The following TRAPPC9 variants were observed in gnomAD, a reference collection of about 807,000 sequenced individuals.
TRAPPC9 encodes IKK2 binding protein.
Under a neutral mutation model 124.0 loss-of-function variants are expected in TRAPPC9, and 83 were observed. The observed-to-expected ratio is 0.67, with a 90% CI of 0.56 to 0.80. TRAPPC9 has a LOEUF of 0.80. Among genes scored for constraint, TRAPPC9 ranks in the 30% least tolerant of loss-of-function variants. The probability of loss-of-function intolerance (pLI) is 0.00; values close to 1 mark genes in which losing one functional copy is unlikely to be tolerated. For missense variants in TRAPPC9, 1,302 were observed against 1,508.3 expected (o/e 0.86, Z 2.27); for synonymous variants, 638 against 617.5 (o/e 1.03, Z -0.49).
intron 21 of TRAPPC9, among the ~76,000 whole-genome samples, chr8:139,752,310 T>TCCACCGATCTA (rs1305851992): frequency 9.9e-5 from 14 of 141,742 alleles, no homozygotes; most frequent in African/African-American, 3.7e-4. Flanking sequence ...CATCCATCCA[T>TCCACCGATCTA]CCACCCATCT....
intron 1 of TRAPPC9, among the ~76,000 whole-genome samples, chr8:140,455,923 A>C (rs1292759631): frequency 6.6e-6 from 1 of 152,236 alleles, no homozygotes; most frequent in Admixed American, 6.5e-5. Flanking sequence ...ACAAAAGGCC[A>C]CATGTTGTAT....
At chr8:140,125,441 T>G (rs756246297) in intron 17 of TRAPPC9, among the ~76,000 whole-genome samples, 7 of 152,132 alleles carry the variant, frequency 4.6e-5, no homozygotes, top group Admixed American at 2.6e-4. Context: ...CTAACTGGCA[T>G]GGAACTCTGG....
intron 9 of TRAPPC9, among the ~76,000 whole-genome samples, chr8:140,317,082 C>T (rs1405128373): frequency 3.9e-5 from 6 of 152,094 alleles, no homozygotes; most frequent in Non-Finnish European, 7.4e-5. Flanking sequence ...TTTTTGATCT[C>T]TGATTTTATT....
At chr8:140,093,264 T>C (rs1380468916) in intron 17 of TRAPPC9, among the ~76,000 whole-genome samples, 2 of 152,192 alleles carry the variant, frequency 1.3e-5, no homozygotes, top group East Asian at 3.8e-4. Flanking sequence ...ACGGGGTCCC[T>C]GTGAGGCTGG....
intron 21 of TRAPPC9, among the ~76,000 whole-genome samples, chr8:139,843,959 T>G (rs1477889237): frequency 1.3e-5 from 2 of 152,216 alleles, no homozygotes; most frequent in Non-Finnish European, 2.9e-5. Context: ...TCACTCCCCA[T>G]ACAGTGCTCT....
chr8:139,861,652 C>G (rs1828165065), intron 21 of TRAPPC9, among the ~76,000 whole-genome samples: 1 of 152,206 alleles, frequency 6.6e-6, no homozygotes, highest in Non-Finnish European at 1.5e-5. Context: ...ATTTAACATG[C>G]TCTGCACTTT....
intron 19 of TRAPPC9, among the ~76,000 whole-genome samples, chr8:139,938,325 C>T (rs951002372): frequency 6.6e-6 from 1 of 152,132 alleles, no homozygotes; most frequent in Non-Finnish European, 1.5e-5. Context: ...CACTCTGTCA[C>T]CAGGGCTGGA....
intron 19 of TRAPPC9, among the ~76,000 whole-genome samples, chr8:139,940,101 C>T (rs958553471): frequency 2.6e-5 from 4 of 152,344 alleles, no homozygotes; most frequent in East Asian, 1.9e-4. Context: ...GGATTCCCGT[C>T]GTTTGGTTGG....
intron 15 of TRAPPC9, among the ~76,000 whole-genome samples, chr8:140,253,602 C>T (rs1338426398): frequency 1.3e-5 from 2 of 151,942 alleles, no homozygotes; most frequent in African/African-American, 4.8e-5. Context: ...CGCTTGAACC[C>T]GGCAGGCAGA....
At position 139,972,367 on chromosome 8, in the gene TRAPPC9, C is replaced by A. The variant is rs138756973; in HGVS notation, c.2810+16359G>T. On this transcript the variant is annotated intron_variant, in intron 19 of 22. Coordinates refer to ENST00000438773, the MANE Select transcript of TRAPPC9 (RefSeq NM_001160372.4). ...AACAACATTTGATACTTGTTTTTAC[C>A]AAAGTTTTCTCACAGTAATAGATTA... Among the ~76,000 whole-genome samples, 72 of 152,228 alleles carry A rather than the reference C, an allele frequency of 4.7e-4. No homozygotes were observed. In the East Asian group the frequency reaches 0.014, roughly 29 times the overall value.
chr8:140,025,944 G>T (rs569819045), intron 17 of TRAPPC9, among the ~76,000 whole-genome samples: 1 of 151,984 alleles, frequency 6.6e-6, no homozygotes, highest in Non-Finnish European at 1.5e-5. Context: ...ATCCATTTCC[G>T]TCCCCAGAAC....
intron 21 of TRAPPC9, among the ~76,000 whole-genome samples, chr8:139,737,466 TC>T (rs35297460): frequency 0.076 from 3,156 of 41,410 alleles, 516 homozygotes; most frequent in African/African-American, 0.22. Flanking sequence ...TCATCAGCCC[TC>T]CCCCCCCCCC....
At chr8:139,954,711 C>T (rs941541061) in intron 19 of TRAPPC9, among the ~76,000 whole-genome samples, 3 of 152,174 alleles carry the variant, frequency 2.0e-5, no homozygotes, top group African/African-American at 7.2e-5. Flanking sequence ...TTCACTGCCA[C>T]CAGCTAACAA....
At chr8:140,217,286 C>G (rs4437628) in intron 17 of TRAPPC9, among the ~76,000 whole-genome samples, 46,008 of 152,036 alleles carry the variant, frequency 0.3, 8,835 homozygotes, top group East Asian at 0.56. Context: ...CAAGGACATC[C>G]TCTGTGGCCT....
chr8:139,902,342 C>CA (rs1336701458), intron 20 of TRAPPC9, among the ~76,000 whole-genome samples: 1 of 152,196 alleles, frequency 6.6e-6, no homozygotes, highest in Non-Finnish European at 1.5e-5. Context: ...CCTTACCCTC[C>CA]AGCCCACCGA....
At chr8:140,349,866 T>C (rs113143948) in intron 9 of TRAPPC9, among the ~76,000 whole-genome samples, 259 of 152,304 alleles carry the variant, frequency 1.7e-3, no homozygotes, top group African/African-American at 6.1e-3. Context: ...CCGGCAACGG[T>C]AGCACAGGGT....
intron 21 of TRAPPC9, among the ~76,000 whole-genome samples, chr8:139,842,668 T>A (rs866433676): frequency 5.7e-5 from 1 of 17,568 alleles, no homozygotes; most frequent in Non-Finnish European, 1.3e-4. Flanking sequence ...TGGCAGGGGG[T>A]GGGGAGGGGG....
At chr8:139,868,461 T>C (rs1303609666) in intron 21 of TRAPPC9, among the ~76,000 whole-genome samples, 1 of 152,230 alleles carries the variant, frequency 6.6e-6, no homozygotes, top group Non-Finnish European at 1.5e-5. Flanking sequence ...TCTTTCCTCT[T>C]AAAGGAGCGT....
intron 16 of TRAPPC9, among the ~76,000 whole-genome samples, chr8:140,235,291 G>T (rs1264086877): frequency 1.3e-5 from 2 of 152,126 alleles, no homozygotes; most frequent in African/African-American, 4.8e-5. Flanking sequence ...ATAATTTTTA[G>T]TTAAGAAATC....
Sources: allele counts gnomAD v4.1 joint callset (sites outside exome capture counted in the v4.1 genomes callset), GRCh38; gene constraint gnomAD v4.1.1; transcripts MANE v1.5; gene names NCBI Gene and HGNC (gene_info 2026-07-23, HGNC 2026-07-21).